The following CFAP61 variants were observed in gnomAD, a reference collection of about 807,000 sequenced individuals.
CFAP61 encodes cilia- and flagella-associated protein 61.
A neutral mutation model predicts 135.6 loss-of-function variants in CFAP61; 107 were observed. The observed-to-expected ratio is 0.79, with a 90% CI of 0.67 to 0.93. The LOEUF (loss-of-function observed/expected upper bound fraction) is 0.93, where lower values mean the gene tolerates loss of function less well. CFAP61 is among the 40% of genes least tolerant of loss of function. The probability of loss-of-function intolerance (pLI) is 0.00; values close to 1 mark genes in which losing one functional copy is unlikely to be tolerated. For synonymous variants in CFAP61, 575 were observed against 578.5 expected (o/e 0.99, Z 0.09); for missense variants, 1,507 against 1,556.2 (o/e 0.97, Z 0.53).
chr20:20,075,564 A>G lies in CFAP61; in HGVS notation c.515A>G (p.His172Arg), dbSNP rs371474647. 7 of 1,614,054 alleles carry G rather than the reference A, an allele frequency of 4.3e-6. No individual in the cohort carries two copies. The highest frequency in any genetic ancestry group is 4.0e-5 in the African/African-American group (3 of 74,938). ...CLTYEEDFAVHICHRHSHYPQ... is the reference protein window; with the variant it reads ...CLTYEEDFAVRICHRHSHYPQ... ...ACGTATGAGGAAGACTTTGCAGTGC[A>G]TATATGTCACAGGCACAGCCACTAT... Residue 172 changes from histidine to arginine, a missense_variant, in exon 6 of 27, where the codon CAT (histidine) becomes CGT (arginine). Physicochemically the swap from His to Arg is conservative, Grantham distance 29. Coordinates refer to ENST00000245957, the MANE Select transcript of CFAP61 (RefSeq NM_015585.4).
At chr20:20,249,971 G>T (rs1420276784) in intron 19 of CFAP61, among the ~76,000 whole-genome samples, 2 of 152,184 alleles carry the variant, frequency 1.3e-5, no homozygotes, top group African/African-American at 2.4e-5. Context: ...TTTTACAAGA[G>T]AATTTCCTCT....
intron 25 of CFAP61, among the ~76,000 whole-genome samples, chr20:20,319,642 G>A (rs781735532): frequency 5.3e-5 from 8 of 152,190 alleles, no homozygotes; most frequent in Non-Finnish European, 1.0e-4. Context: ...TGTATAGCCT[G>A]TGCAACTGTG....
chr20:20,262,974 G>A lies in CFAP61; in HGVS notation c.2347G>A (p.Ala783Thr). The A allele has an allele frequency of 6.2e-7, 1 of 1,612,904 alleles. No homozygotes were observed. Among genetic ancestry groups the A allele is most frequent in the Non-Finnish European group, 8.5e-7 (1 of 1,179,440 alleles). The change falls in exon 21 of 27, where the codon GCT becomes ACT. Residue 783 changes from alanine (A) to threonine (T), a missense_variant. By Grantham distance (58) the Ala-to-Thr change is moderately conservative. Coordinates refer to ENST00000245957, the MANE Select transcript of CFAP61 (RefSeq NM_015585.4). ...GCTTCAGGTCCCATGCCCTACAGAG[G>A]CTGATATTAGTCAACACCTGACAAA... ...QQYQVPCPTE[A>T]DISQHLTNRE...
chr20:20,272,813 C>A (rs1268771440), intron 21 of CFAP61, among the ~76,000 whole-genome samples: 1 of 152,120 alleles, frequency 6.6e-6, no homozygotes, highest in Admixed American at 6.5e-5. Context: ...TCTCCATTTC[C>A]TTCCTTCCCC....
intron 25 of CFAP61, among the ~76,000 whole-genome samples, chr20:20,311,319 A>G (rs1387443158): frequency 1.3e-5 from 2 of 152,210 alleles, no homozygotes; most frequent in Non-Finnish European, 2.9e-5. Flanking sequence ...GAATTCTATA[A>G]CTTTTTTCAA....
chr20:20,294,319 A>G (rs1026325329), intron 24 of CFAP61, among the ~76,000 whole-genome samples: 12 of 152,248 alleles, frequency 7.9e-5, no homozygotes, highest in African/African-American at 2.4e-4. Flanking sequence ...GGCCTGCACT[A>G]CAAGGGTAAT....
At chr20:20,317,931 C>T (rs1765273777) in intron 25 of CFAP61, among the ~76,000 whole-genome samples, 1 of 152,192 alleles carries the variant, frequency 6.6e-6, no homozygotes, top group Non-Finnish European at 1.5e-5. Flanking sequence ...CACTAGCAGC[C>T]CCAGCTGACA....
At chr20:20,271,433 C>T (rs529834248) in intron 21 of CFAP61, among the ~76,000 whole-genome samples, 1 of 152,212 alleles carries the variant, frequency 6.6e-6, no homozygotes, top group African/African-American at 2.4e-5. Context: ...CTTTCCGTCT[C>T]TCTCTCCCCT....
At chr20:20,223,514 G>T (rs1437810000) in intron 17 of CFAP61, among the ~76,000 whole-genome samples, 10 of 152,054 alleles carry the variant, frequency 6.6e-5, no homozygotes. Context: ...TATTATGTAG[G>T]ATCATTTGTA....
chr20:20,157,065 T>A (rs2052973384), intron 9 of CFAP61, among the ~76,000 whole-genome samples: 1 of 152,136 alleles, frequency 6.6e-6, no homozygotes, highest in Non-Finnish European at 1.5e-5. Flanking sequence ...CACTAACTGA[T>A]TTCAAGATTA....
chr20:20,119,928 T>TA (rs1158195538), intron 8 of CFAP61, among the ~76,000 whole-genome samples: 3 of 152,220 alleles, frequency 2.0e-5, no homozygotes, highest in African/African-American at 7.2e-5. Context: ...TTGGTAAGGA[T>TA]AACGGCATCC....
intron 19 of CFAP61, among the ~76,000 whole-genome samples, chr20:20,248,842 G>A (rs925518479): frequency 6.6e-6 from 1 of 152,208 alleles, no homozygotes; most frequent in Non-Finnish European, 1.5e-5. Flanking sequence ...AGAGCAAGCT[G>A]CTACTCATCT....
rs542171065 is a variant in CFAP61 at position 20,098,540 on chromosome 20, C to T, written c.700-115C>T. ...AGAAGAATTGCTTGAACTGAGGAGG[C>T]GGAGGTTGCGGTGAGCCAAGATACA... On this transcript the variant is annotated intron_variant, in intron 7 of 26. Coordinates refer to ENST00000245957, the MANE Select transcript of CFAP61 (RefSeq NM_015585.4). 1.1e-4 allele frequency: 94 copies of T among 843,908 alleles called. No individual in the cohort carries two copies. In the South Asian group the frequency reaches 1.5e-3, roughly 14 times the overall value. The allele number at this position is 843,908 out of a possible 1,614,324, so 52.3% of individuals were successfully genotyped here.
In CFAP61 at chr20:20,251,678, A is replaced by ACCG; in HGVS notation, c.2244_2246dup (p.Arg749dup). On this transcript the variant is annotated inframe_insertion, in exon 20 of 27. Transcript: ENST00000245957. ...GTGGTGGGTAGAATGACCGGCATAGACCGAGCAGCCAAGCACGTTGTGCTT... is the reference window on the plus strand; with the variant it reads ...GTGGTGGGTAGAATGACCGGCATAGACCGCCGAGCAGCCAAGCACGTTGTGCTT... 1 of 1,614,220 alleles carries ACCG rather than the reference A, an allele frequency of 6.2e-7. No homozygotes were observed.
intron 7 of CFAP61, chr20:20,095,732 C>A (rs1230600028): frequency 2.0e-5 from 3 of 152,296 alleles, no homozygotes; most frequent in South Asian, 2.1e-4. Flanking sequence ...GCACCACTGA[C>A]CTGCAGGCAG....
At chr20:20,330,803 A>C (rs74688080) in intron 25 of CFAP61, among the ~76,000 whole-genome samples, 2 of 152,164 alleles carry the variant, frequency 1.3e-5, no homozygotes, top group Non-Finnish European at 2.9e-5. Flanking sequence ...CTCTAAAAAA[A>C]TGGGGCTCTG....
At chr20:20,229,177 C>T (rs982191592) in intron 18 of CFAP61, among the ~76,000 whole-genome samples, 1 of 152,144 alleles carries the variant, frequency 6.6e-6, no homozygotes, top group African/African-American at 2.4e-5. Context: ...TTTCCAGCAT[C>T]CCCAGTCTCT....
At chr20:20,335,273 T>C (rs1039410093) in intron 25 of CFAP61, among the ~76,000 whole-genome samples, 1 of 152,198 alleles carries the variant, frequency 6.6e-6, no homozygotes, top group African/African-American at 2.4e-5. Context: ...CAAAAACATC[T>C]CCCAATTTTC....
chr20:20,309,443 CTGGG>C (rs2056684133), intron 25 of CFAP61, among the ~76,000 whole-genome samples: 1 of 152,132 alleles, frequency 6.6e-6, no homozygotes, highest in Admixed American at 6.5e-5. Context: ...GCTCTCCTTC[CTGGG>C]TGCCAGGCAG....
Sources: gnomAD v4.1 joint callset for allele counts (sites outside exome capture counted in the v4.1 genomes callset) on GRCh38, gnomAD v4.1.1 for gene constraint, MANE v1.5 for transcripts, NCBI Gene and HGNC (gene_info 2026-07-23, HGNC 2026-07-21) for gene names.